CAMTA1: variants seen among roughly 807,000 people sequenced by gnomAD.
The protein encoded by CAMTA1 is calmodulin binding transcription activator 1.
CAMTA1 carries 27 observed loss-of-function variants against 170.9 expected under a neutral mutation model. That is an observed-to-expected ratio of 0.16 (90% CI 0.12 to 0.22). The LOEUF (loss-of-function observed/expected upper bound fraction) is 0.22. CAMTA1 is among the 10% of genes least tolerant of loss of function. CAMTA1 has a pLI of 1.00. For synonymous variants in CAMTA1, 833 were observed against 891.5 expected (o/e 0.93, Z 1.17); for missense variants, 1,619 against 2,217.2 (o/e 0.73, Z 5.42).
chr1:7,123,321 G>A (rs1293017732), intron 4 of CAMTA1, among the ~76,000 whole-genome samples: 1 of 152,024 alleles, frequency 6.6e-6, no homozygotes, highest in Non-Finnish European at 1.5e-5. Flanking sequence ...GAATGTGTCT[G>A]CCTCCGTGTC....
rs80194525 is a variant in CAMTA1, at chr1:7,411,140, T to A, written c.439-56690T>A. Among the ~76,000 whole-genome samples, 7 of 152,292 alleles carry A rather than the reference T, an allele frequency of 4.6e-5. No homozygotes were observed. The East Asian group carries it at 1.4e-3, about 29-fold the overall frequency. The stretch of plus-strand genomic sequence containing the variant: ...AAGCTATTATCTTGCTCTGTTCCTC[T>A]GGATAAGGAGCCAGCTGCTTCAGAA... On this transcript the variant is annotated intron_variant, in intron 5 of 22. Transcript: ENST00000303635.
intron 4 of CAMTA1, among the ~76,000 whole-genome samples, chr1:7,140,978 C>A (rs189101879): frequency 9.9e-4 from 151 of 152,204 alleles, no homozygotes; most frequent in Non-Finnish European, 1.8e-3. Flanking sequence ...TTCTGTCTAC[C>A]GACAGAAGAT....
chr1:7,655,404 CCACCTATACACACA>C (rs1338663703), intron 7 of CAMTA1, among the ~76,000 whole-genome samples: 6 of 89,152 alleles, frequency 6.7e-5, no homozygotes, highest in African/African-American at 2.3e-4. Context: ...ACAAATACAC[CCACCTATACACACA>C]CACCTATCCA....
chr1:7,120,941 G>A (rs1044847347), intron 4 of CAMTA1, among the ~76,000 whole-genome samples: 1 of 152,228 alleles, frequency 6.6e-6, no homozygotes, highest in African/African-American at 2.4e-5. Flanking sequence ...TTCAAAGAGA[G>A]TCGGCCTTCA....
intron 6 of CAMTA1, among the ~76,000 whole-genome samples, chr1:7,626,952 G>A (rs987885099): frequency 6.6e-6 from 1 of 152,160 alleles, no homozygotes; most frequent in African/African-American, 2.4e-5. Context: ...GCTTACTAGA[G>A]AAGGGGCTGG....
intron 3 of CAMTA1, among the ~76,000 whole-genome samples, chr1:6,973,505 C>T (rs1352381903): frequency 3.3e-5 from 5 of 152,230 alleles, no homozygotes; most frequent in African/African-American, 1.2e-4. Context: ...ATATCCCACG[C>T]TCCCTTTATG....
chr1:6,906,612 A>G (rs1403495908), intron 3 of CAMTA1, among the ~76,000 whole-genome samples: 2 of 152,226 alleles, frequency 1.3e-5, no homozygotes, highest in Non-Finnish European at 2.9e-5. Flanking sequence ...TTCAAGCAAC[A>G]GAAGGCAAAG....
chr1:7,363,659 G>T (rs533185497), intron 5 of CAMTA1, among the ~76,000 whole-genome samples: 1 of 152,162 alleles, frequency 6.6e-6, no homozygotes, highest in African/African-American at 2.4e-5. Context: ...CCCGTGATTA[G>T]CAGGTCTATT....
At chr1:7,672,105 G>A (rs1271674553) in intron 10 of CAMTA1, 2 of 455,700 alleles carry the variant, frequency 4.4e-6, no homozygotes, top group African/African-American at 4.0e-5. Flanking sequence ...CAGGAGGGGG[G>A]TAAGGATGCA....
Position 7,463,849 on chromosome 1 carries a change from G to A in CAMTA1, c.439-3981G>A, listed in dbSNP as rs984601978. Among the ~76,000 whole-genome samples the A allele has an allele frequency of 1.1e-4, 17 of 152,358 alleles. No individual in the cohort carries two copies. The East Asian group carries it at 1.7e-3, about 16-fold the overall frequency. Reference sequence around the variant, plus strand: ...CTCTTTGGTGTGGGACCCCCACTGCGTTTGAGGGGGCTCTGCGGCCATGCT... The same window carrying A: ...CTCTTTGGTGTGGGACCCCCACTGCATTTGAGGGGGCTCTGCGGCCATGCT... On this transcript the variant is annotated intron_variant, in intron 5 of 22. Coordinates refer to ENST00000303635, the MANE Select transcript of CAMTA1 (RefSeq NM_015215.4). This position sits in a 1 kb window ranked among gnomAD's most constrained non-coding sequence, Gnocchi z 4.7.
intron 6 of CAMTA1, among the ~76,000 whole-genome samples, chr1:7,504,928 G>A (rs1005175525): frequency 9.3e-5 from 14 of 150,912 alleles, no homozygotes; most frequent in African/African-American, 2.7e-4. Flanking sequence ...CCTCCTTCAC[G>A]GGCGGACATG....
chr1:7,453,511 G>A lies in CAMTA1; in HGVS notation c.439-14319G>A, dbSNP rs576317455. 7.2e-5 allele frequency among the ~76,000 whole-genome samples: 11 copies of A among 152,306 alleles called. 1 individual carries two copies. The South Asian group carries it at 1.2e-3, about 17-fold the overall frequency. On this transcript the variant is annotated intron_variant, in intron 5 of 22. Coordinates refer to ENST00000303635, the MANE Select transcript of CAMTA1 (RefSeq NM_015215.4). ...GCAGCCCTTTTAGCATTTTATGTCC[G>A]GATGAAATAGTTCTAGGCACTATGC...
rs1265613862 is a variant in CAMTA1 at position 7,663,840 on chromosome 1, C to T, written c.1293C>T (p.Leu431=). 4.3e-6 allele frequency: 7 copies of T among 1,614,002 alleles called. No individual in the cohort carries two copies. The highest frequency in any genetic ancestry group is 2.2e-5 in the East Asian group (1 of 44,876). ...TCTCACCTGACGCCTCTCAGGGCCT[C>T]GTCCTGGCCGTGAGCTCTGATGGCC... ...HLLSPDASQG[L]VLAVSSDGHK... The change falls in exon 9 of 23, where the codon CTC becomes CTT. Residue 431 remains leucine, a synonymous_variant. Coordinates refer to ENST00000303635, the MANE Select transcript of CAMTA1 (RefSeq NM_015215.4).
rs576168032 is a variant in CAMTA1 at position 7,103,138 on chromosome 1, TG to T, written c.302+11773del. Among the ~76,000 whole-genome samples the T allele has an allele frequency of 3.9e-4, 58 of 150,166 alleles. No homozygotes were observed. In the Middle Eastern group the frequency reaches 0.01, roughly 26 times the overall value. On this transcript the variant is annotated intron_variant, in intron 4 of 22. Transcript: ENST00000303635. ...GGTGCAGTGGGGGTTCCCAGCGGGG[TG>T]GGGGGTACCCTTGAACAGGGTACCT...
At position 6,971,122 on chromosome 1, in the gene CAMTA1, G is replaced by A. The variant is rs970674585; in HGVS notation, c.235-120182G>A. Among the ~76,000 whole-genome samples, 2 of 152,184 alleles carry A rather than the reference G, an allele frequency of 1.3e-5. No homozygotes were observed. Among genetic ancestry groups the A allele is most frequent in the African/African-American group, 4.8e-5 (2 of 41,442 alleles). ...ATTGTGGTCCTAGGAGTGTCAGTGA[G>A]CACAAAGCAGACACAGAAGAAACCT... On this transcript the variant is annotated intron_variant, in intron 3 of 22. Coordinates refer to ENST00000303635, the MANE Select transcript of CAMTA1 (RefSeq NM_015215.4). The surrounding 1 kb of genome is among the most constrained non-coding windows in gnomAD (Gnocchi z 4.6).
At position 7,436,628 on chromosome 1, in the gene CAMTA1, G is replaced by A. The variant is rs915804655; in HGVS notation, c.439-31202G>A. ...CCTGGTCCCTCCTCCCAGCTCCCCAGCTCTAGAGGTACTAGAGCAGTTGAA... is the reference window on the plus strand; with the variant it reads ...CCTGGTCCCTCCTCCCAGCTCCCCAACTCTAGAGGTACTAGAGCAGTTGAA... On this transcript the variant is annotated intron_variant, in intron 5 of 22. Coordinates refer to ENST00000303635, the MANE Select transcript of CAMTA1 (RefSeq NM_015215.4). Among the ~76,000 whole-genome samples, 5 of 152,178 alleles carry A rather than the reference G, an allele frequency of 3.3e-5. No homozygotes were observed. In the South Asian group the frequency reaches 1.0e-3, roughly 31 times the overall value.
chr1:7,595,955 G>C (rs1464173236), intron 6 of CAMTA1, among the ~76,000 whole-genome samples: 1 of 152,150 alleles, frequency 6.6e-6, no homozygotes, highest in Non-Finnish European at 1.5e-5. Context: ...TGAGATTAGG[G>C]GCCTGACACT....
intron 4 of CAMTA1, among the ~76,000 whole-genome samples, chr1:7,164,896 A>G (rs994009411): frequency 1.6e-4 from 24 of 152,332 alleles, no homozygotes; most frequent in African/African-American, 5.5e-4. Context: ...TGGTAACATC[A>G]TCTGTTAAAG....
At chr1:7,757,541 C>T (rs1464023458) in intron 22 of CAMTA1, among the ~76,000 whole-genome samples, 5 of 152,054 alleles carry the variant, frequency 3.3e-5, no homozygotes, top group Non-Finnish European at 4.4e-5. Context: ...CCGAGGCAGC[C>T]GGATCACTTG....
Sources: allele counts gnomAD v4.1 joint callset (sites outside exome capture counted in the v4.1 genomes callset), GRCh38; gene constraint gnomAD v4.1.1; non-coding constraint Gnocchi (gnomAD v3.1); transcripts MANE v1.5; gene names NCBI Gene and HGNC (gene_info 2026-07-23, HGNC 2026-07-21).